ERBB4: variants seen among roughly 807,000 people sequenced by gnomAD.
ERBB4 encodes erb-b2 receptor tyrosine kinase 4, also known as receptor tyrosine-protein kinase erbB-4.
Under a neutral mutation model 158.0 loss-of-function variants are expected in ERBB4, and 42 were observed. That is an observed-to-expected ratio of 0.27 (90% CI 0.21 to 0.34). The LOEUF is 0.34. Among genes scored for constraint, ERBB4 ranks in the 10% least tolerant of loss-of-function variants. The probability of loss-of-function intolerance (pLI) is 1.00; values close to 1 mark genes in which losing one functional copy is unlikely to be tolerated. For missense variants in ERBB4, 1,333 were observed against 1,624.1 expected, an observed-to-expected ratio of 0.82 and a Z score of 3.08; for synonymous variants, 583 against 558.7, an observed-to-expected ratio of 1.04 and a Z score of -0.61.
chr2:211,950,388 C>T (rs1240039477), intron 2 of ERBB4, among the ~76,000 whole-genome samples: 1 of 152,132 alleles, frequency 6.6e-6, no homozygotes, highest in Admixed American at 6.6e-5. Flanking sequence ...TAGACTGGAG[C>T]CACTTCTCTC....
intron 19 of ERBB4, among the ~76,000 whole-genome samples, chr2:211,573,689 T>C (rs532013268): frequency 9.7e-6 from 1 of 103,136 alleles, no homozygotes; most frequent in Non-Finnish European, 1.9e-5. Context: ...AATAAATAAA[T>C]AAAATAATAG....
intron 1 of ERBB4, among the ~76,000 whole-genome samples, chr2:212,494,847 T>C (rs1276018531): frequency 2.0e-5 from 3 of 152,138 alleles, no homozygotes; most frequent in Non-Finnish European, 4.4e-5. Flanking sequence ...TTGAGCTATC[T>C]ACTCCTCCCT....
chr2:211,714,881 T>A (rs1218705037), intron 7 of ERBB4, among the ~76,000 whole-genome samples: 1 of 152,200 alleles, frequency 6.6e-6, no homozygotes, highest in Non-Finnish European at 1.5e-5. Context: ...GAGGCCCCCA[T>A]GCCATCCACC....
chr2:211,680,011 T>C (rs1381746484), intron 12 of ERBB4, among the ~76,000 whole-genome samples: 2 of 152,210 alleles, frequency 1.3e-5, no homozygotes, highest in Non-Finnish European at 2.9e-5. Flanking sequence ...CCCTGCTGTA[T>C]TCTGGCTAGG....
chr2:212,488,318 CCTCTCTCTCTCTCTCT>C (rs67659068), intron 1 of ERBB4, among the ~76,000 whole-genome samples: 1 of 115,778 alleles, frequency 8.6e-6, no homozygotes, highest in Non-Finnish European at 1.8e-5. Context: ...TTTCCTCGCT[CCTCTCTCTCTCTCTCT>C]CTCTCTCTCC....
At chr2:211,689,013 C>T (rs1264543696) in intron 12 of ERBB4, among the ~76,000 whole-genome samples, 2 of 152,022 alleles carry the variant, frequency 1.3e-5, no homozygotes, top group African/African-American at 4.8e-5. Flanking sequence ...ATCTTCTTAT[C>T]ATATCTAGAC....
At chr2:211,466,225 C>T (rs896008259) in intron 20 of ERBB4, among the ~76,000 whole-genome samples, 4 of 151,716 alleles carry the variant, frequency 2.6e-5, no homozygotes, top group South Asian at 2.1e-4. Context: ...TGTTGTTTAG[C>T]GTAATAGCCT....
At chr2:212,342,948 A>G (rs997561553) in intron 1 of ERBB4, among the ~76,000 whole-genome samples, 11 of 152,084 alleles carry the variant, frequency 7.2e-5, no homozygotes, top group Non-Finnish European at 1.6e-4. Flanking sequence ...AACCAGTTGA[A>G]TTTTTCCATT....
At chr2:211,630,691 T>G in intron 16 of ERBB4, 97 bp from the exon 17 acceptor site, 1 of 1,101,524 alleles carries the variant, frequency 9.1e-7, no homozygotes, top group South Asian at 1.4e-5. Context: ...TATCCACATT[T>G]CACAAATCTA....
At chr2:212,290,635 G>T (rs10205688) in intron 1 of ERBB4, among the ~76,000 whole-genome samples, 81,354 of 151,918 alleles carry the variant, frequency 0.54, 25,439 homozygotes, top group East Asian at 0.83. Flanking sequence ...GCTAAGTCAC[G>T]TATCACATAC....
At chr2:212,533,497 T>A (rs1350595552) in intron 1 of ERBB4, among the ~76,000 whole-genome samples, 1 of 152,172 alleles carries the variant, frequency 6.6e-6, no homozygotes, top group African/African-American at 2.4e-5. Flanking sequence ...TGTGACTACG[T>A]CCCATGTCCC....
chr2:211,933,144 T>C (rs746791945), intron 3 of ERBB4, among the ~76,000 whole-genome samples: 8 of 152,054 alleles, frequency 5.3e-5, no homozygotes, highest in Non-Finnish European at 8.8e-5. Flanking sequence ...TCACCTCTTT[T>C]CCCTGAGCAC....
At chr2:212,428,742 C>T (rs2091966118) in intron 1 of ERBB4, among the ~76,000 whole-genome samples, 1 of 151,872 alleles carries the variant, frequency 6.6e-6, no homozygotes, top group South Asian at 2.1e-4. Context: ...GAAGTTTAAG[C>T]TAGAGGAAAG....
chr2:211,909,890 C>A (rs2079499575), intron 3 of ERBB4, among the ~76,000 whole-genome samples: 1 of 151,680 alleles, frequency 6.6e-6, no homozygotes, highest in Non-Finnish European at 1.5e-5. Context: ...TCTGGACAAT[C>A]TTTCTGTATA....
chr2:211,899,139 C>T (rs752604033), intron 3 of ERBB4, among the ~76,000 whole-genome samples: 7 of 152,036 alleles, frequency 4.6e-5, no homozygotes, highest in East Asian at 3.9e-4. Flanking sequence ...ATTCAACAAC[C>T]GTGGGATTCT....
At chr2:211,518,754 T>C (rs547002183) in intron 20 of ERBB4, among the ~76,000 whole-genome samples, 8 of 152,228 alleles carry the variant, frequency 5.3e-5, no homozygotes, top group Middle Eastern at 3.4e-3. Context: ...TCTGAGATGA[T>C]TGATGTCATA....
chr2:211,855,087 T>C (rs1409790812), intron 3 of ERBB4, among the ~76,000 whole-genome samples: 2 of 152,074 alleles, frequency 1.3e-5, no homozygotes, highest in Non-Finnish European at 2.9e-5. Context: ...TGCTTTTTTT[T>C]CTGATTAGTA....
intron 1 of ERBB4, among the ~76,000 whole-genome samples, chr2:212,376,820 T>C (rs56720992): frequency 0.05 from 7,532 of 152,096 alleles, 625 homozygotes; most frequent in African/African-American, 0.17. Context: ...AAAGCTTATA[T>C]TTTTATCTTC....
At chr2:212,354,157 T>A (rs2089372416) in intron 1 of ERBB4, among the ~76,000 whole-genome samples, 5 of 152,286 alleles carry the variant, frequency 3.3e-5, no homozygotes, top group Admixed American at 3.3e-4. Flanking sequence ...ATTAGTCTTT[T>A]TTCACATGCA....
Sources: gnomAD v4.1 joint callset for allele counts (sites outside exome capture counted in the v4.1 genomes callset) on GRCh38, gnomAD v4.1.1 for gene constraint, MANE v1.5 for transcripts, NCBI Gene and HGNC (gene_info 2026-07-23, HGNC 2026-07-21) for gene names.